The following SLFN12L variants were observed in gnomAD, a reference collection of about 807,000 sequenced individuals.
SLFN12L encodes schlafen family member 12 like.
SLFN12L carries 34 observed loss-of-function variants against 34.8 expected under a neutral mutation model. The observed-to-expected ratio is 0.98, with a 90% CI of 0.74 to 1.30. The LOEUF is 1.30. Among genes scored for constraint, SLFN12L ranks in the 50% most tolerant of loss-of-function variants. SLFN12L has a pLI of 0.00. For missense variants in SLFN12L, 703 were observed against 696.2 expected (o/e 1.01, Z -0.11); for synonymous variants, 259 against 247.5 (o/e 1.05, Z -0.44).
At chr17:35,521,144 A>G (rs1189397079) in intron 2 of SLFN12L, among the ~76,000 whole-genome samples, 1 of 152,212 alleles carries the variant, frequency 6.6e-6, no homozygotes, top group Non-Finnish European at 1.5e-5. Flanking sequence ...TCTCAAAACT[A>G]TCCAGGTCTT....
At chr17:35,496,933 T>C (rs1915104838) in intron 2 of SLFN12L, among the ~76,000 whole-genome samples, 1 of 152,220 alleles carries the variant, frequency 6.6e-6, no homozygotes, top group Non-Finnish European at 1.5e-5. Context: ...GGAATAACTC[T>C]GTAGGCGCAC....
At chr17:35,502,432 A>AAC (rs1567671509) in intron 2 of SLFN12L, among the ~76,000 whole-genome samples, 11 of 148,342 alleles carry the variant, frequency 7.4e-5, no homozygotes, top group African/African-American at 2.2e-4. Context: ...AAAAAAAAAA[A>AAC]AAAAAAAAAA....
At position 35,535,962 on chromosome 17, in the gene SLFN12L, A is replaced by AGTTTGTTTGTTTGTTT. The variant is rs111617647; in HGVS notation, c.-606+1595_-606+1610dup. Among the ~76,000 whole-genome samples the AGTTTGTTTGTTTGTTT allele has an allele frequency of 4.4e-4, 66 of 149,644 alleles. 1 individual carries two copies. The highest frequency in any genetic ancestry group is 7.1e-4 in the Non-Finnish European group (48 of 67,466). Reference sequence around the variant, plus strand: ...TGAGCCACCACACCCGGCCCTGGCTAGTTTGTTTGTTTGTTTGTTTGTTTG... The same window carrying AGTTTGTTTGTTTGTTT: ...TGAGCCACCACACCCGGCCCTGGCTAGTTTGTTTGTTTGTTTGTTTGTTTGTTTGTTTGTTTGTTTG... On this transcript the variant is annotated intron_variant, in intron 1 of 4. Coordinates refer to ENST00000628453, the MANE Select transcript of SLFN12L (RefSeq NM_001363830.2).
At chr17:35,516,714 A>G (rs1915840561) in intron 2 of SLFN12L, among the ~76,000 whole-genome samples, 1 of 152,246 alleles carries the variant, frequency 6.6e-6, no homozygotes, top group Non-Finnish European at 1.5e-5. Context: ...ATTAATTTTA[A>G]CAATGAGCAG....
At chr17:35,518,839 C>T (rs1160602366) in intron 2 of SLFN12L, among the ~76,000 whole-genome samples, 1 of 152,172 alleles carries the variant, frequency 6.6e-6, no homozygotes, top group African/African-American at 2.4e-5. Flanking sequence ...CAAGCAATCC[C>T]ATTACTGGGT....
At position 35,530,409 on chromosome 17, in the gene SLFN12L, GGAAGGAAGGAAGGAAGGAAGGGA is replaced by G. The variant is rs1567693506; in HGVS notation, c.-606+7141_-606+7163del. Among the ~76,000 whole-genome samples the G allele has an allele frequency of 5.8e-3, 71 of 12,272 alleles. 7 individuals carry two copies. Among genetic ancestry groups the G allele is most frequent in the South Asian group, 0.012 (4 of 322 alleles). 8.1% of individuals were successfully genotyped at this position (12,272 alleles called of 152,430 possible). Reference sequence around the variant, plus strand: ...AGGAAGGAAGGAAGGAAGGAAGGAAGGAAGGAAGGAAGGAAGGAAGGGAAGGGAAGGGAAGAAAGAAAGAAAGA... The same window carrying G: ...AGGAAGGAAGGAAGGAAGGAAGGAAGAGGGAAGGGAAGAAAGAAAGAAAGA... On this transcript the variant is annotated intron_variant, in intron 1 of 4. Transcript: ENST00000628453.
chr17:35,488,725 C>G (rs1346776903), intron 2 of SLFN12L, among the ~76,000 whole-genome samples: 1 of 152,166 alleles, frequency 6.6e-6, no homozygotes, highest in African/African-American at 2.4e-5. Context: ...CATCTAGAAT[C>G]TTAAGGTACA....
Position 35,473,755 on chromosome 17 carries a change from A to G in SLFN12L, c.*1168T>C. 6.6e-6 allele frequency: 1 copy of G among 152,214 alleles called. No individual in the cohort carries two copies. The highest frequency in any genetic ancestry group is 1.5e-5 in the Non-Finnish European group (1 of 68,050). The allele number at this position is 152,214 out of a possible 1,614,324, so 9.4% of individuals were successfully genotyped here. A position where few individuals can be genotyped will look rare whatever the true frequency, so the allele number is the denominator to read the frequency against. ...ACCAGCTCCTCTTTGTACCTCTGGT[A>G]GAATTCAGCTGTGAATCTGTCTGGT... On this transcript the variant is annotated 3_prime_UTR_variant, in exon 5 of 5. Transcript: ENST00000628453.
intron 2 of SLFN12L, among the ~76,000 whole-genome samples, chr17:35,521,240 A>G (rs1915986550): frequency 6.6e-6 from 1 of 152,164 alleles, no homozygotes; most frequent in African/African-American, 2.4e-5. Context: ...CCTGGATGGG[A>G]TCCTGGAACA....
intron 2 of SLFN12L, among the ~76,000 whole-genome samples, chr17:35,505,188 A>G (rs1408683014): frequency 6.6e-6 from 1 of 152,218 alleles, no homozygotes; most frequent in Non-Finnish European, 1.5e-5. Context: ...AACAGCAACA[A>G]GCTTTTCATG....
intron 1 of SLFN12L, among the ~76,000 whole-genome samples, chr17:35,524,719 C>A (rs574404718): frequency 6.6e-6 from 1 of 152,114 alleles, no homozygotes; most frequent in Non-Finnish European, 1.5e-5. Flanking sequence ...ACATCAAAGA[C>A]AAAAGGTAGA....
intron 4 of SLFN12L, among the ~76,000 whole-genome samples, chr17:35,477,373 C>G (rs1378439477): frequency 2.0e-5 from 3 of 152,192 alleles, no homozygotes; most frequent in South Asian, 2.1e-4. Flanking sequence ...AGGGAAGGAT[C>G]TCTTACACAA....
intron 2 of SLFN12L, among the ~76,000 whole-genome samples, chr17:35,505,280 G>GA (rs1362886669): frequency 5.9e-5 from 9 of 151,800 alleles, no homozygotes; most frequent in African/African-American, 1.7e-4. Flanking sequence ...GTGTCAGAGA[G>GA]AAAAAAAAGT....
At chr17:35,537,146 C>T (rs1002686259) in intron 1 of SLFN12L, among the ~76,000 whole-genome samples, 3 of 151,808 alleles carry the variant, frequency 2.0e-5, no homozygotes, top group African/African-American at 7.3e-5. Context: ...CACCACTGCA[C>T]GACAGCCTGG....
rs146433827 is a variant in SLFN12L, at chr17:35,472,727, T to C, written c.*2196A>G. ...TTTGATGGGAATAACATTGAATCTA[T>C]AAATTACTTTGGGCAATATGGCCAT... is the stretch of plus-strand genomic sequence containing the variant. On this transcript the variant is annotated 3_prime_UTR_variant, in exon 5 of 5. Coordinates refer to ENST00000628453, the MANE Select transcript of SLFN12L (RefSeq NM_001363830.2). Among the ~76,000 whole-genome samples, 446 of 152,360 alleles carry C rather than the reference T, an allele frequency of 2.9e-3. 1 individual carries two copies. Among genetic ancestry groups the C allele is most frequent in the Admixed American group, 5.2e-3 (79 of 15,308 alleles).
chr17:35,491,157 C>T (rs1187281260), intron 2 of SLFN12L: 2 of 812,806 alleles, frequency 2.5e-6, no homozygotes, highest in Non-Finnish European at 4.2e-6. Context: ...TCCTGAGCCT[C>T]GGGGAGGAGG....
At position 35,522,545 on chromosome 17, in the gene SLFN12L, C is replaced by T; in HGVS notation, c.-181G>A. On this transcript the variant is annotated 5_prime_UTR_variant, in exon 2 of 5. Transcript: ENST00000628453. Reference sequence around the variant, plus strand: ...AGCCGAGCAAGACAATCACGAGGGACTGCAGCAGGGCTTCCAATGTGCTGG... The same window carrying T: ...AGCCGAGCAAGACAATCACGAGGGATTGCAGCAGGGCTTCCAATGTGCTGG... 6.2e-7 allele frequency: 1 copy of T among 1,611,166 alleles called. No homozygotes were observed. The highest frequency in any genetic ancestry group is 1.1e-5 in the South Asian group (1 of 90,778).
Position 35,519,055 on chromosome 17 carries a change from G to A in SLFN12L, c.86+3224C>T, listed in dbSNP as rs150730245. Among the ~76,000 whole-genome samples the A allele has an allele frequency of 7.7e-3, 1,168 of 152,300 alleles. 11 individuals carry two copies. The highest frequency in any genetic ancestry group is 0.026 in the African/African-American group (1,084 of 41,554). On this transcript the variant is annotated intron_variant, in intron 2 of 4. Transcript: ENST00000628453. ...CCTTTGCAAAGACGTGGATGAAGCT[G>A]GAAGCCATGATTCTCAGCAAACTAA...
At chr17:35,517,985 G>A (rs1331196475) in intron 2 of SLFN12L, among the ~76,000 whole-genome samples, 1 of 152,150 alleles carries the variant, frequency 6.6e-6, no homozygotes, top group Non-Finnish European at 1.5e-5. Context: ...ACATAGGCAT[G>A]GGCAAAGACT....
Sources: gnomAD v4.1 joint callset for allele counts (sites outside exome capture counted in the v4.1 genomes callset) on GRCh38, gnomAD v4.1.1 for gene constraint, MANE v1.5 for transcripts, NCBI Gene and HGNC (gene_info 2026-07-23, HGNC 2026-07-21) for gene names.